RHOBTB1: variants seen among roughly 807,000 people sequenced by gnomAD.
RHOBTB1 encodes the protein Rho related BTB domain containing 1.
Under a neutral mutation model 71.6 loss-of-function variants are expected in RHOBTB1, and 40 were observed. The observed-to-expected ratio is 0.56, with a 90% confidence interval of 0.43 to 0.73. The LOEUF (loss-of-function observed/expected upper bound fraction) is 0.73, where lower values mean the gene tolerates loss of function less well. Among genes scored for constraint, RHOBTB1 ranks in the 30% least tolerant of loss-of-function variants. The pLI, the probability that RHOBTB1 is intolerant of heterozygous loss-of-function variation, is 0.00. For missense variants in RHOBTB1, 797 were observed against 894.0 expected (o/e 0.89, Z 1.38); for synonymous variants, 319 against 334.9 (o/e 0.95, Z 0.52).
At chr10:60,879,252 T>G (rs2132350125) in intron 7 of RHOBTB1, among the ~76,000 whole-genome samples, 1 of 152,342 alleles carries the variant, frequency 6.6e-6, no homozygotes, top group South Asian at 2.1e-4. Context: ...AACAAAGGTT[T>G]GAGTTACAGA....
the RHOBTB1 span, among the ~76,000 whole-genome samples, chr10:60,861,274 A>T: frequency 6.6e-6 from 1 of 152,192 alleles, no homozygotes; most frequent in African/African-American, 2.4e-5. Flanking sequence ...AAACATCTAG[A>T]ACTTCATTTG....
chr10:60,921,336 A>AG (rs1486101166), intron 2 of RHOBTB1, among the ~76,000 whole-genome samples: 1 of 152,198 alleles, frequency 6.6e-6, no homozygotes, highest in African/African-American at 2.4e-5. Flanking sequence ...GCAATGGCAG[A>AG]GGAATGGTGA....
intron 1 of RHOBTB1, among the ~76,000 whole-genome samples, chr10:60,942,759 G>A (rs974448209): frequency 6.6e-6 from 1 of 152,160 alleles, no homozygotes; most frequent in Non-Finnish European, 1.5e-5. Flanking sequence ...GTTTAAAAAG[G>A]TCTAAGCCTT....
At chr10:60,969,825 T>C (rs1011517165) in intron 2 of RHOBTB1, among the ~76,000 whole-genome samples, 8 of 152,136 alleles carry the variant, frequency 5.3e-5, no homozygotes, top group African/African-American at 1.7e-4. Flanking sequence ...TAGGCTATGC[T>C]TTTAGTATTT....
chr10:60,946,623 T>C (rs2085246604), upstream of RHOBTB1, among the ~76,000 whole-genome samples: 1 of 152,230 alleles, frequency 6.6e-6, no homozygotes, highest in Admixed American at 6.5e-5. Flanking sequence ...ATCACTGACC[T>C]GCTTTTTAAC....
rs1431396809 is a variant in RHOBTB1, at chr10:60,997,237, C to A, written c.-163+4162G>T. 2.0e-5 allele frequency among the ~76,000 whole-genome samples: 3 copies of A among 152,190 alleles called. No homozygotes were observed. The Middle Eastern group carries it at 0.01, about 518-fold the overall frequency. On this transcript the variant is annotated intron_variant, in intron 1 of 11. Coordinates refer to the RHOBTB1 transcript ENST00000357917. ...TTAAAAATATCCTCTTAGGAAGAAT[C>A]TGGGGAAATTAAAAAGATATCAAAA...
At chr10:60,934,888 A>G (rs2084482504) in intron 2 of RHOBTB1, among the ~76,000 whole-genome samples, 1 of 152,222 alleles carries the variant, frequency 6.6e-6, no homozygotes, top group Admixed American at 6.5e-5. Flanking sequence ...CTTATGTTTT[A>G]AAAGTACATT....
At chr10:60,898,623 G>C (rs1329267323) in intron 4 of RHOBTB1, among the ~76,000 whole-genome samples, 1 of 152,310 alleles carries the variant, frequency 6.6e-6, no homozygotes, top group East Asian at 1.9e-4. Context: ...TAGCAGGGCA[G>C]AACCATGCAG....
intron 2 of RHOBTB1, among the ~76,000 whole-genome samples, chr10:60,913,405 GAA>G: frequency 6.6e-6 from 1 of 152,158 alleles, no homozygotes; most frequent in South Asian, 2.1e-4. Context: ...CCTGGGTGGG[GAA>G]AAAGAGTCTT....
chr10:60,886,170 C>T lies in RHOBTB1; in HGVS notation c.1517G>A (p.Ser506Asn). 1.2e-6 allele frequency: 2 copies of T among 1,614,110 alleles called. No homozygotes were observed. Among genetic ancestry groups the T allele is most frequent in the Non-Finnish European group, 1.7e-6 (2 of 1,179,972 alleles). ...ISAHKPLLIC[S>N]CEWMAAMFGG... ...GAACATGGCTGCCATCCACTCACAGCTACAGATCAGCAGCGGCTTGTGGGC... is the reference window on the plus strand; with the variant it reads ...GAACATGGCTGCCATCCACTCACAGTTACAGATCAGCAGCGGCTTGTGGGC... The change falls in exon 7 of 11, where the codon AGC (serine) becomes AAC (asparagine). Residue 506 changes from serine to asparagine, a missense_variant. Transcript: ENST00000337910.
At chr10:60,950,231 TG>T (rs1260242933) in intron 2 of RHOBTB1, among the ~76,000 whole-genome samples, 2 of 152,212 alleles carry the variant, frequency 1.3e-5, no homozygotes, top group African/African-American at 4.8e-5. Context: ...AACAATTTAA[TG>T]TATAATGTGT....
intron 2 of RHOBTB1, among the ~76,000 whole-genome samples, chr10:60,960,333 G>A (rs148822098): frequency 4.6e-5 from 7 of 152,188 alleles, no homozygotes; most frequent in East Asian, 1.9e-4. Context: ...TTATGCTGGC[G>A]AATTTAATCA....
At chr10:60,981,199 A>G (rs747623682) in intron 2 of RHOBTB1, among the ~76,000 whole-genome samples, 4 of 152,188 alleles carry the variant, frequency 2.6e-5, no homozygotes, top group Non-Finnish European at 4.4e-5. Flanking sequence ...ACTTAACATC[A>G]TAGTTATCAT....
chr10:60,957,995 G>A lies in RHOBTB1; in HGVS notation c.-61-16141C>T, dbSNP rs187276582. The stretch of plus-strand genomic sequence containing the variant: ...AAAGTGGAATGACTTACTGTGAGCA[G>A]ACACCACTTGTGAGTGTCTGCCAGA... On this transcript the variant is annotated intron_variant, in intron 2 of 11. Transcript: ENST00000357917. 1.9e-3 allele frequency among the ~76,000 whole-genome samples: 287 copies of A among 152,288 alleles called. 3 individuals carry two copies. Among genetic ancestry groups the A allele is most frequent in the Admixed American group, 0.017 (257 of 15,280 alleles).
rs1564957372 is a variant in RHOBTB1 at position 60,918,324 on chromosome 10, T to C, written c.-10-6772A>G. 1.3e-5 allele frequency among the ~76,000 whole-genome samples: 2 copies of C among 152,164 alleles called. 1 individual carries two copies. The highest frequency in any genetic ancestry group is 2.9e-5 in the Non-Finnish European group (2 of 68,018). On this transcript the variant is annotated intron_variant, in intron 2 of 10. Coordinates refer to ENST00000337910, the MANE Select transcript of RHOBTB1 (RefSeq NM_014836.5). Reference sequence around the variant, plus strand: ...CAAATCATTTCCCTTCCTTTGGTGGTACCCCAACCCAACCTTCAGTCTTTG... The same window carrying C: ...CAAATCATTTCCCTTCCTTTGGTGGCACCCCAACCCAACCTTCAGTCTTTG...
chr10:60,884,573 T>C (rs2081479491), intron 7 of RHOBTB1, among the ~76,000 whole-genome samples: 1 of 152,168 alleles, frequency 6.6e-6, no homozygotes. Context: ...AGCCAAGATA[T>C]GGAGTCTGCC....
intron 2 of RHOBTB1, among the ~76,000 whole-genome samples, chr10:60,967,510 G>A (rs940600209): frequency 1.3e-5 from 2 of 151,896 alleles, no homozygotes; most frequent in African/African-American, 2.4e-5. Context: ...AAAACAGACC[G>A]GCAGCTGAGA....
intron 6 of RHOBTB1, among the ~76,000 whole-genome samples, chr10:60,886,726 G>GC (rs2081600298): frequency 1.4e-5 from 2 of 140,354 alleles, no homozygotes; most frequent in Non-Finnish European, 3.1e-5. Flanking sequence ...GTGGGGGGGG[G>GC]TGGGTCTGGC....
intron 5 of RHOBTB1, among the ~76,000 whole-genome samples, chr10:60,891,978 C>A (rs535869411): frequency 6.6e-6 from 1 of 152,226 alleles, no homozygotes; most frequent in South Asian, 2.1e-4. Flanking sequence ...CGCCTTTGCT[C>A]GGTTCTCATT....
Sources: gnomAD v4.1 joint callset for allele counts (sites outside exome capture counted in the v4.1 genomes callset) on GRCh38, gnomAD v4.1.1 for gene constraint, MANE v1.5 for transcripts, NCBI Gene and HGNC (gene_info 2026-07-23, HGNC 2026-07-21) for gene names.